GLRA3: variants seen among roughly 807,000 people sequenced by gnomAD.
GLRA3 encodes the protein glycine receptor subunit alpha-3.
GLRA3 carries 44 observed loss-of-function variants against 60.4 expected under a neutral mutation model. The observed-to-expected ratio is 0.73, with a 90% CI of 0.57 to 0.94. The LOEUF (loss-of-function observed/expected upper bound fraction) is 0.94, where lower values mean the gene tolerates loss of function less well. Ranked by LOEUF, GLRA3 falls within the 40% of genes least tolerant of loss-of-function variation. The probability of loss-of-function intolerance (pLI) is 0.00; values close to 1 mark genes in which losing one functional copy is unlikely to be tolerated. For synonymous variants in GLRA3, 223 were observed against 192.9 expected (o/e 1.16, Z -1.29); for missense variants, 508 against 564.6 (o/e 0.90, Z 1.02).
chr4:174,719,214 C>T (rs567223872), intron 4 of GLRA3, among the ~76,000 whole-genome samples: 1 of 151,896 alleles, frequency 6.6e-6, no homozygotes, highest in African/African-American at 2.4e-5. Flanking sequence ...CCGCCCGCCT[C>T]GGCCTCCCAA....
At chr4:174,761,528 T>C (rs1737944513) in intron 3 of GLRA3, among the ~76,000 whole-genome samples, 1 of 152,184 alleles carries the variant, frequency 6.6e-6, no homozygotes, top group South Asian at 2.1e-4. Context: ...GTTCTCATTT[T>C]ATAAAAATGG....
intron 2 of GLRA3, among the ~76,000 whole-genome samples, chr4:174,775,298 T>C (rs1305976809): frequency 6.6e-6 from 1 of 152,106 alleles, no homozygotes; most frequent in African/African-American, 2.4e-5. Flanking sequence ...AATGCTAACA[T>C]TTACCCTAAT....
intron 1 of GLRA3, 142 bp from the exon 2 acceptor site, chr4:174,789,085 T>C (rs1350667826): frequency 5.9e-6 from 3 of 511,326 alleles, no homozygotes; most frequent in East Asian, 6.4e-5. Flanking sequence ...GTGAAGATTA[T>C]AATAAGATAG....
chr4:174,816,237 A>G (rs1324580652), intron 1 of GLRA3, among the ~76,000 whole-genome samples: 1 of 152,158 alleles, frequency 6.6e-6, no homozygotes, highest in South Asian at 2.1e-4. Context: ...TCCATAGCTC[A>G]GTCTTCAGTG....
At chr4:174,701,477 C>T (rs1487828434) in intron 5 of GLRA3, among the ~76,000 whole-genome samples, 1 of 152,162 alleles carries the variant, frequency 6.6e-6, no homozygotes, top group Non-Finnish European at 1.5e-5. Context: ...AGCCTTCTAA[C>T]ATAGCATCCA....
chr4:174,660,744 C>G (rs1426112437), intron 7 of GLRA3, among the ~76,000 whole-genome samples: 1 of 152,180 alleles, frequency 6.6e-6, no homozygotes, highest in Non-Finnish European at 1.5e-5. Flanking sequence ...TATCAATTAG[C>G]ATTCTACTGT....
chr4:174,736,034 A>T (rs1471301095), intron 3 of GLRA3, among the ~76,000 whole-genome samples: 1 of 152,146 alleles, frequency 6.6e-6, no homozygotes, highest in African/African-American at 2.4e-5. Context: ...TGATCTTCAA[A>T]TCAGATTTCT....
intron 3 of GLRA3, among the ~76,000 whole-genome samples, chr4:174,737,439 A>C (rs2111160548): frequency 6.6e-6 from 1 of 152,330 alleles, no homozygotes; most frequent in Non-Finnish European, 1.5e-5. Flanking sequence ...CCTCAGTAAG[A>C]AAACTGAACA....
chr4:174,763,261 AGTAACTGCTTCCAT>A (rs1268034849), intron 3 of GLRA3, among the ~76,000 whole-genome samples: 1 of 152,172 alleles, frequency 6.6e-6, no homozygotes, highest in Non-Finnish European at 1.5e-5. Context: ...CATTTTACCT[AGTAACTGCTTCCAT>A]GTAACTGCTA....
chr4:174,788,951 TA>T lies in GLRA3; in HGVS notation c.72-9del. 1 of 1,558,050 alleles carries T rather than the reference TA, an allele frequency of 6.4e-7. No homozygotes were observed. The highest frequency in any genetic ancestry group is 1.2e-5 in the South Asian group (1 of 83,516). On this transcript the variant is annotated splice_polypyrimidine_tract_variant and intron_variant, in intron 1 of 9. Coordinates refer to ENST00000274093, the MANE Select transcript of GLRA3 (RefSeq NM_006529.4). ...TCCTTTGTGGCAACCAAACTACAAATAAGAACAAAAATATAGACTTTACAAA... is the reference window on the plus strand; with the variant it reads ...TCCTTTGTGGCAACCAAACTACAAATAGAACAAAAATATAGACTTTACAAA...
At chr4:174,739,773 C>T (rs1350687741) in intron 3 of GLRA3, among the ~76,000 whole-genome samples, 1 of 152,020 alleles carries the variant, frequency 6.6e-6, no homozygotes, top group Non-Finnish European at 1.5e-5. Context: ...CTCATTTTTA[C>T]CGAAAAGGAA....
intron 5 of GLRA3, among the ~76,000 whole-genome samples, chr4:174,701,930 A>C (rs1735337300): frequency 6.6e-6 from 1 of 152,226 alleles, no homozygotes; most frequent in Non-Finnish European, 1.5e-5. Context: ...TCTTGAGATG[A>C]AATCTACTGG....
At position 174,678,525 on chromosome 4, in the gene GLRA3, C is replaced by T. The variant is rs180888944; in HGVS notation, c.713-1233G>A. Among the ~76,000 whole-genome samples the T allele has an allele frequency of 8.4e-4, 128 of 152,302 alleles. 1 individual carries two copies. The highest frequency in any genetic ancestry group is 2.5e-3 in the South Asian group (12 of 4,828). On this transcript the variant is annotated intron_variant, in intron 6 of 9. Transcript: ENST00000274093. ...TTGCTAGGTAGGGCTCAGTGCAAAGCTTCTATTCATGTGACTTGGGCCGTG... is the reference window on the plus strand; with the variant it reads ...TTGCTAGGTAGGGCTCAGTGCAAAGTTTCTATTCATGTGACTTGGGCCGTG...
At chr4:174,725,585 A>G (rs373920443) in intron 4 of GLRA3, among the ~76,000 whole-genome samples, 2 of 152,016 alleles carry the variant, frequency 1.3e-5, no homozygotes, top group South Asian at 4.1e-4. Context: ...GGCTCAAGAG[A>G]TCCTCCCACC....
At chr4:174,748,187 A>G (rs921123967) in intron 3 of GLRA3, among the ~76,000 whole-genome samples, 1 of 152,188 alleles carries the variant, frequency 6.6e-6, no homozygotes, top group East Asian at 1.9e-4. Flanking sequence ...GAGTGGCCAG[A>G]GAGTCAGAAA....
intron 5 of GLRA3, among the ~76,000 whole-genome samples, chr4:174,699,041 G>A (rs7665560): frequency 1 from 150,651 of 151,260 alleles, 75,025 homozygotes; most frequent in East Asian, 1. Flanking sequence ...TTTGTTGCCC[G>A]GGCTGGAGTG....
At chr4:174,709,080 T>G (rs1455360726) in intron 5 of GLRA3, among the ~76,000 whole-genome samples, 4 of 152,052 alleles carry the variant, frequency 2.6e-5, no homozygotes, top group African/African-American at 9.7e-5. Flanking sequence ...ATTTATAAAT[T>G]GTGATATAAA....
rs543762103 is a variant in GLRA3 at position 174,650,860 on chromosome 4, T to C, written c.1116+5883A>G. Among the ~76,000 whole-genome samples the C allele has an allele frequency of 1.5e-4, 23 of 152,264 alleles. No homozygotes were observed. In the South Asian group the frequency reaches 4.8e-3, roughly 32 times the overall value. On this transcript the variant is annotated intron_variant, in intron 9 of 9. Coordinates refer to ENST00000274093, the MANE Select transcript of GLRA3 (RefSeq NM_006529.4). ...GACCATCTAGTTTACCAGTGGAAAG[T>C]CCCATATGTGGTGAGAGCTTGTCCT...
At chr4:174,691,143 TAA>T in intron 5 of GLRA3, among the ~76,000 whole-genome samples, 1 of 152,322 alleles carries the variant, frequency 6.6e-6, no homozygotes, top group Admixed American at 6.5e-5. Flanking sequence ...TAACAGTGAA[TAA>T]GTGTTCTTTT....
Sources: allele counts gnomAD v4.1 joint callset (sites outside exome capture counted in the v4.1 genomes callset), GRCh38; gene constraint gnomAD v4.1.1; transcripts MANE v1.5; gene names NCBI Gene and HGNC (gene_info 2026-07-23, HGNC 2026-07-21).